MOK: variants seen among roughly 807,000 people sequenced by gnomAD.
The protein encoded by MOK is MAPK/MAK/MRK overlapping kinase.
A neutral mutation model predicts 54.2 loss-of-function variants in MOK; 59 were observed. That is an observed-to-expected ratio of 1.09 (90% CI 0.88 to 1.35). The LOEUF (loss-of-function observed/expected upper bound fraction) is 1.35. Among genes scored for constraint, MOK ranks in the 40% most tolerant of loss-of-function variants. The pLI is 0.00. For missense variants in MOK, 517 were observed against 526.2 expected (o/e 0.98, Z 0.17); for synonymous variants, 210 against 202.7 (o/e 1.04, Z -0.31).
intron 6 of MOK, 58 bp downstream of exon 6, chr14:102,251,698 G>C: frequency 7.1e-7 from 1 of 1,405,122 alleles, no homozygotes; most frequent in African/African-American, 1.4e-5. Flanking sequence ...AACCTTTCGG[G>C]AAAGATTTTC....
At chr14:102,288,971 C>T (rs761039224) in intron 1 of MOK, among the ~76,000 whole-genome samples, 33 of 152,212 alleles carry the variant, frequency 2.2e-4, no homozygotes, top group Middle Eastern at 3.4e-3. Context: ...GGTGCAACCT[C>T]GGCTCACTGC....
At position 102,229,475 on chromosome 14, in the gene MOK, G is replaced by GC; in HGVS notation, c.1163dup (p.Cys388TrpfsTer15). On this transcript the variant is annotated frameshift_variant, in exon 11 of 12. Transcript: ENST00000361847. LOFTEE classifies it low-confidence loss of function (END_TRUNC). ...GCGCTACCTTCTTGCTCGCAGGGATGCACTTCAAGGGTCTCAGCACCGGCA... is the reference window on the plus strand; with the variant it reads ...GCGCTACCTTCTTGCTCGCAGGGATGCCACTTCAAGGGTCTCAGCACCGGCA... The GC allele has an allele frequency of 6.2e-7, 1 of 1,614,196 alleles. No individual in the cohort carries two copies. The highest frequency in any genetic ancestry group is 8.5e-7 in the Non-Finnish European group (1 of 1,180,050).
intron 1 of MOK, among the ~76,000 whole-genome samples, chr14:102,284,544 T>C (rs1659792111): frequency 6.6e-6 from 1 of 152,152 alleles, no homozygotes; most frequent in Non-Finnish European, 1.5e-5. Flanking sequence ...AAGTAAAATC[T>C]AGAGAGCAAA....
rs2065444838 is a variant in MOK at position 102,238,790 on chromosome 14, T to C, written c.591-5001A>G. ...TCTCCTCCTCCGCCCATATTTCTTC[T>C]CCCCTCACCTATTTACCTCACTAAA... On this transcript the variant is annotated intron_variant, in intron 7 of 11. Transcript: ENST00000361847. The surrounding 1 kb of genome is among the most constrained non-coding windows in gnomAD (Gnocchi z 4.8). 6.6e-6 allele frequency among the ~76,000 whole-genome samples: 1 copy of C among 152,058 alleles called. No individual in the cohort carries two copies. The highest frequency in any genetic ancestry group is 6.6e-5 in the Admixed American group (1 of 15,256).
At chr14:102,277,652 C>T (rs1008592005) in intron 2 of MOK, among the ~76,000 whole-genome samples, 1 of 150,952 alleles carries the variant, frequency 6.6e-6, no homozygotes, top group Admixed American at 6.6e-5. Flanking sequence ...TACTGAACAA[C>T]AGTAATGATG....
chr14:102,275,563 C>CAAAAA (rs35983579), intron 2 of MOK, among the ~76,000 whole-genome samples: 1 of 71,500 alleles, frequency 1.4e-5, no homozygotes, highest in African/African-American at 4.6e-5. Flanking sequence ...GACTCCATCT[C>CAAAAA]AAAAAAAAAA....
In MOK at chr14:102,236,580, C is replaced by A. The variant is rs1234847563; in HGVS notation, c.591-2791G>T. Among the ~76,000 whole-genome samples the A allele has an allele frequency of 6.6e-6, 1 of 152,158 alleles. No individual in the cohort carries two copies. The highest frequency in any genetic ancestry group is 2.4e-5 in the African/African-American group (1 of 41,426). On this transcript the variant is annotated intron_variant, in intron 7 of 11. Transcript: ENST00000361847. This position sits in a 1 kb window ranked among gnomAD's most constrained non-coding sequence, Gnocchi z 4.5. ...GCTTCTATCACCTTTTTCTCCCTCC[C>A]TCAACCGGAGTCCCTCCTACTCCTC...
chr14:102,266,576 C>T (rs1486769607), intron 2 of MOK, among the ~76,000 whole-genome samples: 1 of 151,866 alleles, frequency 6.6e-6, no homozygotes, highest in Admixed American at 6.6e-5. Context: ...TGATGCTATA[C>T]TCTTTTTGAT....
At chr14:102,233,447 C>T (rs2064927600) in intron 8 of MOK, 2 of 490,954 alleles carry the variant, frequency 4.1e-6, no homozygotes, top group Non-Finnish European at 7.3e-6. Context: ...CTCCCCAGCC[C>T]TCAGAAAGCC....
intron 2 of MOK, among the ~76,000 whole-genome samples, chr14:102,270,373 G>A (rs2068252598): frequency 6.6e-6 from 1 of 152,178 alleles, no homozygotes; most frequent in East Asian, 1.9e-4. Context: ...AGGCCAAGGT[G>A]GGTGGATCAC....
chr14:102,258,093 T>C (rs2067114567), intron 4 of MOK, among the ~76,000 whole-genome samples: 2 of 152,214 alleles, frequency 1.3e-5, no homozygotes, highest in Admixed American at 6.5e-5. Flanking sequence ...TTACAAAAAT[T>C]CTGGTCTGCA....
At chr14:102,264,950 G>A (rs2067778943) in intron 3 of MOK, among the ~76,000 whole-genome samples, 1 of 152,224 alleles carries the variant, frequency 6.6e-6, no homozygotes, top group African/African-American at 2.4e-5. Context: ...CTGGTTCAGT[G>A]AGGTCTGTAA....
At chr14:102,283,314 C>T in intron 2 of MOK, 164 bp downstream of exon 2, 1 of 515,962 alleles carries the variant, frequency 1.9e-6, no homozygotes, top group Non-Finnish European at 3.4e-6. Context: ...GAGTAAACTC[C>T]AGTATGATAA....
intron 4 of MOK, among the ~76,000 whole-genome samples, chr14:102,254,961 T>C (rs1024591957): frequency 9.2e-5 from 14 of 152,230 alleles, no homozygotes; most frequent in Non-Finnish European, 1.8e-4. Context: ...TAGAGTCATC[T>C]GAACTTGAAC....
chr14:102,233,581 A>G, intron 8 of MOK, 107 bp downstream of exon 8: 1 of 903,646 alleles, frequency 1.1e-6, no homozygotes, highest in Non-Finnish European at 1.8e-6. Flanking sequence ...TAGTCAGCCA[A>G]AGGAGCTCCT....
the MOK span, among the ~76,000 whole-genome samples, chr14:102,217,625 G>A: frequency 6.7e-6 from 1 of 149,696 alleles, no homozygotes; most frequent in African/African-American, 2.4e-5. Flanking sequence ...CAGGGTTCCC[G>A]GCTCTGTGGC....
chr14:102,233,290 C>T (rs531335731), intron 8 of MOK: 147 of 180,706 alleles, frequency 8.1e-4, no homozygotes, highest in Non-Finnish European at 1.3e-3. Context: ...CCTAAGAGTC[C>T]GGGAACACCT....
At chr14:102,254,906 C>A (rs940721997) in intron 4 of MOK, among the ~76,000 whole-genome samples, 4 of 152,202 alleles carry the variant, frequency 2.6e-5, no homozygotes, top group Non-Finnish European at 5.9e-5. Flanking sequence ...CCCTTCCCAG[C>A]CATGTCCACA....
At chr14:102,265,384 C>A (rs2067810554) in intron 3 of MOK, among the ~76,000 whole-genome samples, 1 of 152,196 alleles carries the variant, frequency 6.6e-6, no homozygotes, top group African/African-American at 2.4e-5. Context: ...GTAATCCCAG[C>A]ATTTTGGGAG....
Sources: allele counts gnomAD v4.1 joint callset (sites outside exome capture counted in the v4.1 genomes callset), GRCh38; gene constraint gnomAD v4.1.1; non-coding constraint Gnocchi (gnomAD v3.1); transcripts MANE v1.5; gene names NCBI Gene and HGNC (gene_info 2026-07-23, HGNC 2026-07-21).